PPFIA4: variants seen among roughly 807,000 people sequenced by gnomAD.
PPFIA4 encodes PPFI scaffold protein A4.
A neutral mutation model predicts 145.7 loss-of-function variants in PPFIA4; 98 were observed. That is an observed-to-expected ratio of 0.67 (90% CI 0.57 to 0.80). PPFIA4 has a LOEUF of 0.80. Among genes scored for constraint, PPFIA4 ranks in the 30% least tolerant of loss-of-function variants. PPFIA4 has a pLI of 0.00. For synonymous variants in PPFIA4, 628 were observed against 649.6 expected, an observed-to-expected ratio of 0.97 and a Z score of 0.51; for missense variants, 1,457 against 1,632.7, an observed-to-expected ratio of 0.89 and a Z score of 1.85.
chr1:203,075,734 C>T lies in PPFIA4; in HGVS notation c.3551C>T (p.Pro1184Leu). Residue 1184 changes from proline (P) to leucine (L), a missense_variant, in exon 29 of 30, where the codon CCG becomes CTG. By Grantham distance (98) the Pro-to-Leu change is moderately conservative. Coordinates refer to ENST00000295706, the MANE Select transcript of PPFIA4 (RefSeq NM_001304331.2). This position sits in a 1 kb window ranked among gnomAD's most constrained non-coding sequence, Gnocchi z 4.1. ...TLGTLQPPPA[P>L]PKKIMPEAHS... ...GGGACCCTGCAGCCCCCACCGGCCC[C>T]GCCAAAGAAGATCATGCCTGAAGGT... is the stretch of plus-strand genomic sequence containing the variant. 1 of 1,379,668 alleles carries T rather than the reference C, an allele frequency of 7.2e-7. No individual in the cohort carries two copies. The highest frequency in any genetic ancestry group is 9.4e-7 in the Non-Finnish European group (1 of 1,060,300). The allele number at this position is 1,379,668 out of a possible 1,614,324, so 85.5% of individuals were successfully genotyped here. A position where few individuals can be genotyped will look rare whatever the true frequency, so the allele number is the denominator to read the frequency against.
chr1:203,076,045 C>A, intron 29 of PPFIA4: 1 of 582,860 alleles, frequency 1.7e-6, no homozygotes, highest in Non-Finnish European at 3.0e-6. Context: ...CCTCCCGCCC[C>A]GGGTCTGACG....
intron 14 of PPFIA4, among the ~76,000 whole-genome samples, chr1:203,053,390 G>A (rs180910902): frequency 7.2e-4 from 110 of 152,214 alleles, no homozygotes; most frequent in Admixed American, 2.4e-3. Context: ...AAAATCAGCC[G>A]GGCGTGGTGG....
intron 6 of PPFIA4, 118 bp from the exon 7 acceptor site, chr1:203,045,250 G>A (rs961009745): frequency 3.4e-6 from 3 of 886,194 alleles, no homozygotes; most frequent in East Asian, 2.7e-5. Flanking sequence ...CTGTGATGTT[G>A]GGGGCAGAGC....
rs560732923 is a variant in PPFIA4, at chr1:203,054,161, C to T, written c.1829+200C>T. On this transcript the variant is annotated intron_variant, in intron 15 of 29. Transcript: ENST00000295706. ...GGGCCTCAGTGGACTTCTCAGGCTT[C>T]ACCTCCCCTCTCAGGGCTTGCGATG... 2.0e-4 allele frequency: 141 copies of T among 716,348 alleles called. 2 individuals are homozygous for T. Among genetic ancestry groups the T allele is most frequent in the Admixed American group, 1.1e-3 (56 of 49,804 alleles). The allele number at this position is 716,348 out of a possible 1,614,324, so 44.4% of individuals were successfully genotyped here.
At chr1:203,045,223 T>TGGGAGGCGCAC in intron 6 of PPFIA4, 145 bp from the exon 7 acceptor site, 1 of 702,958 alleles carries the variant, frequency 1.4e-6, no homozygotes. Flanking sequence ...AGGGAGGCAG[T>TGGGAGGCGCAC]TGTAGCCAGA....
chr1:203,058,787 C>T (rs1661154682), intron 19 of PPFIA4, among the ~76,000 whole-genome samples: 2 of 152,130 alleles, frequency 1.3e-5, no homozygotes, highest in South Asian at 2.1e-4. Context: ...TTTCCACACC[C>T]CTGACCCAAG....
chr1:203,045,362 C>CTGGAGGAGGATACGGGCCGGG lies in PPFIA4; in HGVS notation c.667-4_683dup. On this transcript the variant is annotated splice_polypyrimidine_tract_variant and splice_region_variant and intron_variant, in intron 6 of 29. Coordinates refer to ENST00000295706, the MANE Select transcript of PPFIA4 (RefSeq NM_001304331.2). ...ACTCACAGAGCTACTGTCCCTATCCCTGGAGGAGGATACGGGCCGGGTAGA... is the reference window on the plus strand; with the variant it reads ...ACTCACAGAGCTACTGTCCCTATCCCTGGAGGAGGATACGGGCCGGGTGGAGGAGGATACGGGCCGGGTAGA... 1.3e-6 allele frequency: 2 copies of CTGGAGGAGGATACGGGCCGGG among 1,582,984 alleles called. No individual in the cohort carries two copies. Among genetic ancestry groups the CTGGAGGAGGATACGGGCCGGG allele is most frequent in the Non-Finnish European group, 1.7e-6 (2 of 1,165,310 alleles).
At chr1:203,063,449 C>G (rs1453610556) in intron 24 of PPFIA4, 3 of 213,422 alleles carry the variant, frequency 1.4e-5, no homozygotes, top group African/African-American at 2.4e-5. Flanking sequence ...CAGCCTCTCC[C>G]CTGGGCTCAG....
At chr1:203,052,303 G>C (rs752856697) in intron 14 of PPFIA4, among the ~76,000 whole-genome samples, 31 of 152,160 alleles carry the variant, frequency 2.0e-4, no homozygotes, top group Non-Finnish European at 4.6e-4. Context: ...ATGGCACCTG[G>C]AGTTTTCCGA....
intron 1 of PPFIA4, among the ~76,000 whole-genome samples, chr1:203,037,457 G>A (rs552250910): frequency 6.6e-6 from 1 of 152,262 alleles, no homozygotes; most frequent in South Asian, 2.1e-4. Flanking sequence ...CTGTGCTGAG[G>A]GCTTCACACC....
chr1:203,051,707 G>A, intron 13 of PPFIA4, 62 bp from the exon 14 acceptor site: 1 of 1,550,410 alleles, frequency 6.4e-7, no homozygotes. Context: ...GGGCCCACTG[G>A]GTGTGAGCTG....
In PPFIA4 at chr1:203,062,195, C is replaced by T. The variant is rs564916877; in HGVS notation, c.2874+517C>T. On this transcript the variant is annotated intron_variant, in intron 24 of 29. Transcript: ENST00000295706. ...TCAATAGGGATAAAAAAGACAGTCT[C>T]GGCTGGGCGCGGTGGCTGACACCTG... 2.6e-5 allele frequency among the ~76,000 whole-genome samples: 4 copies of T among 151,870 alleles called. No individual in the cohort carries two copies. In the South Asian group the frequency reaches 6.3e-4, roughly 24 times the overall value.
In PPFIA4 at chr1:203,049,767, G is replaced by T; in HGVS notation, c.1511G>T (p.Arg504Met). 1 of 1,567,990 alleles carries T rather than the reference G, an allele frequency of 6.4e-7. No individual in the cohort carries two copies. Among genetic ancestry groups the T allele is most frequent in the East Asian group, 2.4e-5 (1 of 42,468 alleles). ...CCGTTTGTGGATGGCGTCCACTCCAGGTACTGCAGCGCCAGAGGCTGGGCA... is the reference window on the plus strand; with the variant it reads ...CCGTTTGTGGATGGCGTCCACTCCATGTACTGCAGCGCCAGAGGCTGGGCA... ...GGPFVDGVHS[R>M]SHMGSAADVR... Residue 504 changes from arginine (R) to methionine (M), a missense_variant and splice_region_variant, in exon 13 of 30, where the codon AGG becomes ATG. By Grantham distance (91) the Arg-to-Met change is moderately conservative. Around this residue, in one of 3 missense-constraint regions of PPFIA4, gnomAD observed 848 missense variants for 1,046.7 expected, o/e 0.81. Coordinates refer to ENST00000295706, the MANE Select transcript of PPFIA4 (RefSeq NM_001304331.2).
At chr1:203,061,750 C>A in intron 24 of PPFIA4, 72 bp downstream of exon 24, 1 of 1,455,882 alleles carries the variant, frequency 6.9e-7, no homozygotes, top group Non-Finnish European at 9.3e-7. Context: ...AGGTTCTCTC[C>A]GCAGCAGGAA....
rs1318911779 is a variant in PPFIA4, at chr1:203,056,793, G to A, written c.2250G>A (p.Glu750=). ...GGCTGTCACCCTGTAGTGCCTTGGA[G>A]GATCAGGGCAGCAACCCCAGCAGCA... ...LSQEEGKSAL[E]DQGSNPSSSN... Residue 750 remains glutamate, a synonymous_variant, in exon 19 of 30, where the codon GAG becomes GAA. Transcript: ENST00000295706. 2.5e-6 allele frequency: 4 copies of A among 1,607,732 alleles called. No homozygotes were observed. The Admixed American group carries it at 6.8e-5, about 27-fold the overall frequency.
At chr1:203,065,212 C>T (rs74860466) in intron 25 of PPFIA4, among the ~76,000 whole-genome samples, 2,124 of 152,328 alleles carry the variant, frequency 0.014, 47 homozygotes, top group African/African-American at 0.048. Flanking sequence ...AAGTCCAGTG[C>T]TCTTGGCACT....
chr1:203,034,474 G>A lies in PPFIA4; in HGVS notation c.-399-4136G>A, dbSNP rs530609962. 10 of 456,496 alleles carry A rather than the reference G, an allele frequency of 2.2e-5. No individual in the cohort carries two copies. In the East Asian group the frequency reaches 2.8e-4, roughly 13 times the overall value. 28.3% of individuals were successfully genotyped at this position (456,496 alleles called of 1,614,324 possible). A position where few individuals can be genotyped will look rare whatever the true frequency, so the allele number is the denominator to read the frequency against. Reference sequence around the variant, plus strand: ...ATGGGCAGCTGGGCTGCAGGCCCACGTTGGGGAGAATGTCTGAGAGCCCCA... The same window carrying A: ...ATGGGCAGCTGGGCTGCAGGCCCACATTGGGGAGAATGTCTGAGAGCCCCA... On this transcript the variant is annotated intron_variant, in intron 1 of 29. Coordinates refer to ENST00000295706, the MANE Select transcript of PPFIA4 (RefSeq NM_001304331.2).
intron 1 of PPFIA4, among the ~76,000 whole-genome samples, chr1:203,032,018 G>T (rs1038720580): frequency 2.7e-5 from 4 of 145,648 alleles, no homozygotes; most frequent in African/African-American, 7.6e-5. Context: ...CTGTTGCACT[G>T]ATGTACAGCC....
intron 25 of PPFIA4, among the ~76,000 whole-genome samples, chr1:203,065,147 C>A (rs1299425651): frequency 1.3e-5 from 2 of 152,076 alleles, no homozygotes; most frequent in Admixed American, 6.6e-5. Flanking sequence ...GAGCAGTAGC[C>A]CAAGGTCACT....
Sources: allele counts gnomAD v4.1 joint callset (sites outside exome capture counted in the v4.1 genomes callset), GRCh38; gene constraint gnomAD v4.1.1; regional missense constraint gnomAD v4.1.1; non-coding constraint Gnocchi (gnomAD v3.1); transcripts MANE v1.5; gene names NCBI Gene and HGNC (gene_info 2026-07-23, HGNC 2026-07-21).